The following CUX2 variants were observed in gnomAD, a reference collection of about 807,000 sequenced individuals.
The protein encoded by CUX2 is homeobox protein cut-like 2.
A neutral mutation model predicts 144.8 loss-of-function variants in CUX2; 40 were observed. That is an observed-to-expected ratio of 0.28 (90% CI 0.21 to 0.36). CUX2 has a LOEUF of 0.36. Ranked by LOEUF, CUX2 falls within the 10% of genes least tolerant of loss-of-function variation. CUX2 has a pLI of 1.00. For missense variants in CUX2, 1,615 were observed against 1,994.0 expected (o/e 0.81, Z 3.62); for synonymous variants, 827 against 875.6 (o/e 0.94, Z 0.98).
chr12:111,342,861 A>G lies in CUX2; in HGVS notation c.3659+808A>G, dbSNP rs1888635009. ...ATAGTGTCAACTACTTGGGAGGCTG[A>G]GGCGGGAGACTCATTTGAACCCAGG... On this transcript the variant is annotated intron_variant, in intron 21 of 21. Transcript: ENST00000261726. 2.0e-5 allele frequency among the ~76,000 whole-genome samples: 3 copies of G among 146,482 alleles called. No homozygotes were observed. In the Admixed American group the frequency reaches 2.1e-4, roughly 10 times the overall value.
intron 3 of CUX2, among the ~76,000 whole-genome samples, chr12:111,256,893 C>T (rs1315208540): frequency 6.6e-6 from 1 of 152,140 alleles, no homozygotes; most frequent in Non-Finnish European, 1.5e-5. Flanking sequence ...CAGAGTGGTT[C>T]TCAGTGGCTC....
chr12:111,278,534 G>A (rs1393981173), intron 4 of CUX2, among the ~76,000 whole-genome samples: 3 of 152,118 alleles, frequency 2.0e-5, no homozygotes, highest in Non-Finnish European at 2.9e-5. Context: ...ACTCTGTGGC[G>A]CCCTACCCTC....
At chr12:111,208,208 A>T (rs1881024817) in intron 1 of CUX2, among the ~76,000 whole-genome samples, 1 of 151,848 alleles carries the variant, frequency 6.6e-6, no homozygotes, top group Non-Finnish European at 1.5e-5. Flanking sequence ...GCTCCCAACA[A>T]TCACTTTTTA....
chr12:111,153,923 T>G (rs1877219022), intron 1 of CUX2, among the ~76,000 whole-genome samples: 2 of 152,176 alleles, frequency 1.3e-5, no homozygotes, highest in African/African-American at 4.8e-5. Context: ...AAAGCCTCTC[T>G]CCTTGGCTTG....
chr12:111,335,994 C>G (rs1393780452), intron 19 of CUX2, among the ~76,000 whole-genome samples: 1 of 152,248 alleles, frequency 6.6e-6, no homozygotes, highest in South Asian at 2.1e-4. Flanking sequence ...CATCCAGGAC[C>G]CTGTGTGAGG....
Position 111,238,145 on chromosome 12 carries a change from G to C in CUX2, c.222+20208G>C, listed in dbSNP as rs148496135. On this transcript the variant is annotated intron_variant, in intron 3 of 21. Transcript: ENST00000261726. ...GCCTTCATGACTTACCCAAATTCAAGCAGACCTCCCCAGTACATGCCTTCC... is the reference window on the plus strand; with the variant it reads ...GCCTTCATGACTTACCCAAATTCAACCAGACCTCCCCAGTACATGCCTTCC... Among the ~76,000 whole-genome samples the C allele has an allele frequency of 3.1e-4, 47 of 152,284 alleles. No individual in the cohort carries two copies. In the East Asian group the frequency reaches 8.7e-3, roughly 28 times the overall value.
At chr12:111,106,350 T>C (rs1321261804) in intron 1 of CUX2, among the ~76,000 whole-genome samples, 1 of 152,132 alleles carries the variant, frequency 6.6e-6, no homozygotes, top group Non-Finnish European at 1.5e-5. Flanking sequence ...AGAGATGGGG[T>C]CTTGCTATGT....
chr12:111,188,629 ACC>A (rs781070237), intron 1 of CUX2, among the ~76,000 whole-genome samples: 5 of 151,362 alleles, frequency 3.3e-5, no homozygotes, highest in Non-Finnish European at 1.5e-5. Flanking sequence ...AGTGGTTGGA[ACC>A]CAGAGAGCGG....
intron 1 of CUX2, among the ~76,000 whole-genome samples, chr12:111,108,707 TGCCCCACTCTCCTC>T (rs113626305): frequency 0.13 from 20,032 of 149,356 alleles, 4,634 homozygotes; most frequent in African/African-American, 0.48. Context: ...CCCTTCTCTT[TGCCCCACTCTCCTC>T]GCCCCACTCT....
At chr12:111,318,466 A>C (rs1403676987) in intron 16 of CUX2, among the ~76,000 whole-genome samples, 1 of 151,532 alleles carries the variant, frequency 6.6e-6, no homozygotes, top group African/African-American at 2.4e-5. Context: ...CTGTAGTCCT[A>C]GCTACTCGGG....
At chr12:111,109,663 A>G (rs1377893498) in intron 1 of CUX2, among the ~76,000 whole-genome samples, 1 of 152,200 alleles carries the variant, frequency 6.6e-6, no homozygotes, top group African/African-American at 2.4e-5. Context: ...GAACAAATGT[A>G]CAAAACATCT....
Position 111,341,450 on chromosome 12 carries a change from G to C in CUX2, c.3386-330G>C, listed in dbSNP as rs1233970489. On this transcript the variant is annotated intron_variant, in intron 20 of 21. Transcript: ENST00000261726. ...TACTCCAGGCTGGGTGACAGCGTGA[G>C]ACCTTGTCTCTACAAAAACAGAGAG... Among the ~76,000 whole-genome samples the C allele has an allele frequency of 3.3e-5, 5 of 152,308 alleles. No individual in the cohort carries two copies. The South Asian group carries it at 8.3e-4, about 25-fold the overall frequency.
In CUX2 at chr12:111,293,472, G is replaced by A. The variant is rs144303972; in HGVS notation, c.463G>A (p.Gly155Arg). The A allele has an allele frequency of 0.01, 16,641 of 1,608,428 alleles. 232 individuals carry two copies. Among genetic ancestry groups the A allele is most frequent in the Admixed American group, 0.051 (2,987 of 59,052 alleles). Residue 155 changes from glycine (G) to arginine (R), a missense_variant, in exon 6 of 22, where the codon GGG becomes AGG. Gly to Arg is a moderately radical substitution (Grantham distance 125). Around this residue, in one of 12 missense-constraint regions of CUX2, gnomAD observed 295 missense variants for 400.2 expected, o/e 0.74. Coordinates refer to ENST00000261726, the MANE Select transcript of CUX2 (RefSeq NM_015267.4). This position sits in a 1 kb window ranked among gnomAD's most constrained non-coding sequence, Gnocchi z 4.5. ...KEQREGTSPAGPTLTEGSRLP... is the reference protein window; with the variant it reads ...KEQREGTSPARPTLTEGSRLP... ...GCAGAGAGAGGGGACGTCGCCTGCCGGGCCCACGCTGACCGAGGGAAGCCG... is the reference window on the plus strand; with the variant it reads ...GCAGAGAGAGGGGACGTCGCCTGCCAGGCCCACGCTGACCGAGGGAAGCCG...
Position 111,307,383 on chromosome 12 carries a change from G to C in CUX2, c.1109+126G>C. On this transcript the variant is annotated intron_variant, in intron 12 of 21. Transcript: ENST00000261726. The surrounding 1 kb of genome is among the most constrained non-coding windows in gnomAD (Gnocchi z 4.1). ...TGTTCTTCTCTCCACTAACACTGTG[G>C]ATATCAAACCTTAACCATCCTCAGG... is the stretch of plus-strand genomic sequence containing the variant. 1 of 844,014 alleles carries C rather than the reference G, an allele frequency of 1.2e-6. No individual in the cohort carries two copies. Among genetic ancestry groups the C allele is most frequent in the Non-Finnish European group, 1.8e-6 (1 of 541,144 alleles). 52.3% of individuals were successfully genotyped at this position (844,014 alleles called of 1,614,324 possible).
rs763070804 is a variant in CUX2, at chr12:111,214,237, G to A, written c.101G>A (p.Arg34Gln). ...TCCGTCGCTTCTGAGCTGTCTGCAC[G>A]GCAGGAGGAGAGTGAACATTCTCAT... ...LNSVASELSA[R>Q]QEESEHSHKH... Residue 34 changes from arginine (R) to glutamine (Q), a missense_variant, in exon 2 of 22, where the codon CGG becomes CAG. By Grantham distance (43) the Arg-to-Gln change is conservative. This residue lies in a region of CUX2 where 64 missense variants were observed against 64.9 expected (regional missense o/e 0.99). Coordinates refer to ENST00000261726, the MANE Select transcript of CUX2 (RefSeq NM_015267.4). 8.1e-6 allele frequency: 13 copies of A among 1,605,380 alleles called. No homozygotes were observed. Among genetic ancestry groups the A allele is most frequent in the South Asian group, 1.1e-5 (1 of 89,714 alleles).
chr12:111,142,928 G>T (rs1015103847), intron 1 of CUX2, among the ~76,000 whole-genome samples: 2 of 152,152 alleles, frequency 1.3e-5, no homozygotes, highest in Non-Finnish European at 2.9e-5. Flanking sequence ...AATCAGAAGG[G>T]ATCTGAGATC....
chr12:111,155,724 C>G (rs1027969828), intron 1 of CUX2, among the ~76,000 whole-genome samples: 4 of 152,196 alleles, frequency 2.6e-5, no homozygotes, highest in African/African-American at 9.6e-5. Flanking sequence ...CACACGCTCT[C>G]AGGCACCAGC....
intron 1 of CUX2, among the ~76,000 whole-genome samples, chr12:111,196,956 A>G (rs1880278235): frequency 6.6e-6 from 1 of 152,102 alleles, no homozygotes; most frequent in Non-Finnish European, 1.5e-5. Flanking sequence ...CTCAGGGACT[A>G]GGGGCTGCAT....
At position 111,037,505 on chromosome 12, in the gene CUX2, C is replaced by T. The variant is rs1869519725; in HGVS notation, c.63+3265C>T. ...GTCAACAACCTTAATGACTTTGGGC[C>T]GATGGTAAAGGTGATCTGACATGTG... On this transcript the variant is annotated intron_variant, in intron 1 of 21. Coordinates refer to ENST00000261726, the MANE Select transcript of CUX2 (RefSeq NM_015267.4). The surrounding 1 kb of genome is among the most constrained non-coding windows in gnomAD (Gnocchi z 5.4). Among the ~76,000 whole-genome samples the T allele has an allele frequency of 6.6e-6, 1 of 152,192 alleles. No individual in the cohort carries two copies. The highest frequency in any genetic ancestry group is 2.4e-5 in the African/African-American group (1 of 41,442).
Sources: allele counts gnomAD v4.1 joint callset (sites outside exome capture counted in the v4.1 genomes callset), GRCh38; gene constraint gnomAD v4.1.1; regional missense constraint gnomAD v4.1.1; non-coding constraint Gnocchi (gnomAD v3.1); transcripts MANE v1.5; gene names NCBI Gene and HGNC (gene_info 2026-07-23, HGNC 2026-07-21).